CFAP52: variants seen among roughly 807,000 people sequenced by gnomAD.
The protein encoded by CFAP52 is cilia and flagella associated protein 52, also known as cilia- and flagella-associated protein 52.
In CFAP52, 57 loss-of-function variants were observed where a neutral mutation model predicts 70.5. The ratio of observed to expected loss-of-function variants is 0.81; its 90% CI spans 0.65 to 1.01. CFAP52 has a LOEUF of 1.01. Among genes scored for constraint, CFAP52 ranks in the 50% least tolerant of loss-of-function variants. The pLI, the probability that CFAP52 is intolerant of heterozygous loss-of-function variation, is 0.00. For missense variants in CFAP52, 785 were observed against 788.5 expected (o/e 1.00, Z 0.05); for synonymous variants, 267 against 292.5 (o/e 0.91, Z 0.89).
intron 1 of CFAP52, among the ~76,000 whole-genome samples, chr17:9,577,820 A>G (rs1567617237): frequency 6.6e-6 from 1 of 152,198 alleles, no homozygotes; most frequent in Non-Finnish European, 1.5e-5. Flanking sequence ...GGCCGGGGGC[A>G]GTGGCTCATG....
At chr17:9,577,375 G>T (rs1469815380) in intron 1 of CFAP52, among the ~76,000 whole-genome samples, 1 of 152,218 alleles carries the variant, frequency 6.6e-6, no homozygotes, top group Non-Finnish European at 1.5e-5. Context: ...AGAGAAAAAG[G>T]GACTGGGCCG....
chr17:9,608,376 C>T (rs927458720), intron 7 of CFAP52, among the ~76,000 whole-genome samples, 157 bp downstream of exon 7: 1 of 152,192 alleles, frequency 6.6e-6, no homozygotes, highest in Non-Finnish European at 1.5e-5. Flanking sequence ...TAGATGGTGG[C>T]TTCTTTGTCA....
At chr17:9,607,246 T>C (rs377388823) in intron 6 of CFAP52, among the ~76,000 whole-genome samples, 1 of 152,160 alleles carries the variant, frequency 6.6e-6, no homozygotes, top group African/African-American at 2.4e-5. Flanking sequence ...CTCTGGTGGG[T>C]GAGTCACAAG....
intron 9 of CFAP52, 55 bp from the exon 10 acceptor site, chr17:9,632,833 G>A: frequency 6.3e-7 from 1 of 1,586,702 alleles, no homozygotes; most frequent in Non-Finnish European, 8.6e-7. Flanking sequence ...AGCAGACTGT[G>A]GAGAGAGGGT....
intron 8 of CFAP52, among the ~76,000 whole-genome samples, chr17:9,626,479 C>G (rs1287805999): frequency 6.6e-6 from 1 of 152,172 alleles, no homozygotes; most frequent in Non-Finnish European, 1.5e-5. Flanking sequence ...ATCCACTCAC[C>G]TTGGCCTCCC....
chr17:9,599,706 C>T (rs574027661), intron 5 of CFAP52, among the ~76,000 whole-genome samples: 4 of 152,098 alleles, frequency 2.6e-5, no homozygotes, highest in African/African-American at 9.6e-5. Context: ...TGTTCATGGG[C>T]ATCATTCAGG....
rs756591205 is a variant in CFAP52, at chr17:9,594,288, G to C, written c.503G>C (p.Arg168Thr). 6.2e-7 allele frequency: 1 copy of C among 1,613,852 alleles called. No homozygotes were observed. The highest frequency in any genetic ancestry group is 1.3e-5 in the African/African-American group (1 of 74,882). Residue 168 changes from arginine to threonine, a missense_variant, in exon 4 of 14, where the codon AGG (arginine) becomes ACG (threonine). Transcript: ENST00000352665. ...VGNATNVIFS[R>T]CRDEMFMTAG... is the part of the protein sequence containing the mutation. ...AATGCCACCAATGTGATCTTCTCCA[G>C]GTGCCGGGATGAGATGTTTATGACT... is the stretch of plus-strand genomic sequence containing the variant.
chr17:9,584,295 G>T (rs1908347983), intron 1 of CFAP52: 2 of 1,288,202 alleles, frequency 1.6e-6, no homozygotes, highest in Non-Finnish European at 2.0e-6. Context: ...TGTTACCTTG[G>T]CAGATATTTG....
chr17:9,584,312 G>A (rs867168009), intron 1 of CFAP52: 22 of 1,289,528 alleles, frequency 1.7e-5, no homozygotes, highest in African/African-American at 1.1e-4. Flanking sequence ...TTTGGAGTAC[G>A]GGAGTTGCCT....
intron 8 of CFAP52, among the ~76,000 whole-genome samples, chr17:9,615,254 A>G (rs1258531291): frequency 6.6e-6 from 1 of 152,232 alleles, no homozygotes; most frequent in East Asian, 1.9e-4. Flanking sequence ...GCATGAACCA[A>G]TGAAACTTGT....
chr17:9,580,334 A>AG (rs1486709178), intron 1 of CFAP52, among the ~76,000 whole-genome samples: 4 of 151,618 alleles, frequency 2.6e-5, no homozygotes, highest in Admixed American at 6.6e-5. Flanking sequence ...AAAAAAAAAA[A>AG]AGCCAGACCC....
At chr17:9,578,773 T>C (rs975285009) in intron 1 of CFAP52, among the ~76,000 whole-genome samples, 1 of 152,220 alleles carries the variant, frequency 6.6e-6, no homozygotes, top group Non-Finnish European at 1.5e-5. Context: ...CTCCAATTCC[T>C]GACCTCAGGT....
At chr17:9,635,182 T>C (rs756845036) in intron 10 of CFAP52, among the ~76,000 whole-genome samples, 17 of 151,822 alleles carry the variant, frequency 1.1e-4, no homozygotes, top group Non-Finnish European at 1.9e-4. Context: ...AGGTACAGGA[T>C]TGTTAGTAGC....
intron 1 of CFAP52, among the ~76,000 whole-genome samples, chr17:9,584,686 A>T (rs1265788546): frequency 6.6e-6 from 1 of 150,998 alleles, no homozygotes; most frequent in Non-Finnish European, 1.5e-5. Flanking sequence ...CAATAGTGTG[A>T]TCTCGGCTCA....
chr17:9,596,057 G>GTGTGTA (rs1555541589), intron 4 of CFAP52, among the ~76,000 whole-genome samples: 1 of 103,590 alleles, frequency 9.7e-6, no homozygotes, highest in African/African-American at 4.1e-5. Context: ...ATATATGTGT[G>GTGTGTA]TGTATATATA....
chr17:9,636,448 A>G (rs1489633375), intron 11 of CFAP52, among the ~76,000 whole-genome samples: 1 of 152,044 alleles, frequency 6.6e-6, no homozygotes, highest in Non-Finnish European at 1.5e-5. Context: ...CTTCAAACTA[A>G]CTAGACCAAA....
chr17:9,638,277 G>T (rs182738925), intron 11 of CFAP52, among the ~76,000 whole-genome samples: 47 of 152,320 alleles, frequency 3.1e-4, no homozygotes, highest in Admixed American at 1.2e-3. Flanking sequence ...GAGGCAGCAG[G>T]TTGGCTGTGA....
At chr17:9,637,856 G>C (rs1011176903) in intron 11 of CFAP52, among the ~76,000 whole-genome samples, 1 of 152,194 alleles carries the variant, frequency 6.6e-6, no homozygotes, top group Non-Finnish European at 1.5e-5. Context: ...GATTGTAGGC[G>C]TGAGCTGCTG....
chr17:9,638,770 T>C, intron 12 of CFAP52, 59 bp downstream of exon 12: 4 of 1,561,110 alleles, frequency 2.6e-6, no homozygotes, highest in Non-Finnish European at 3.5e-6. Context: ...CAGTGAGGCG[T>C]TGTGGTGGAG....
Sources: allele counts gnomAD v4.1 joint callset (sites outside exome capture counted in the v4.1 genomes callset), GRCh38; gene constraint gnomAD v4.1.1; transcripts MANE v1.5; gene names NCBI Gene and HGNC (gene_info 2026-07-23, HGNC 2026-07-21).